Variants in OPTN observed in about 807,000 individuals in gnomAD.
The protein encoded by OPTN is optineurin, also known as E3-14.7K-interacting protein.
A neutral mutation model predicts 70.4 loss-of-function variants in OPTN; 54 were observed. The observed-to-expected ratio is 0.77, with a 90% CI of 0.62 to 0.96. The LOEUF is 0.96. Ranked by LOEUF, OPTN falls within the 40% of genes least tolerant of loss-of-function variation. OPTN has a pLI of 0.00. For missense variants in OPTN, 624 were observed against 673.2 expected, an observed-to-expected ratio of 0.93 and a Z score of 0.81; for synonymous variants, 256 against 248.5, an observed-to-expected ratio of 1.03 and a Z score of -0.28.
intron 3 of OPTN, chr10:13,109,715 G>A (rs114119115): frequency 0.033 from 5,878 of 175,732 alleles, 376 homozygotes; most frequent in African/African-American, 0.13. Context: ...CACGCCTCTG[G>A]TCCTAGCTAC....
chr10:13,123,982 T>C lies in OPTN; in HGVS notation c.883-13T>C. On this transcript the variant is annotated splice_polypyrimidine_tract_variant and intron_variant, in intron 8 of 14. Transcript: ENST00000378747. ...TAATTGTACAGATATGTTTGGGATT[T>C]CCCGTATGATAGGTTGGAAGCGAAG... The C allele has an allele frequency of 3.2e-6, 5 of 1,586,968 alleles. No homozygotes were observed. Among genetic ancestry groups the C allele is most frequent in the Non-Finnish European group, 4.3e-6 (5 of 1,155,568 alleles).
At chr10:13,116,207 G>T in intron 5 of OPTN, 60 bp from the exon 6 acceptor site, 2 of 1,152,760 alleles carry the variant, frequency 1.7e-6, no homozygotes, top group South Asian at 1.2e-5. Flanking sequence ...TTCTTCTTTT[G>T]ACAAAGAATT....
At position 13,117,441 on chromosome 10, in the gene OPTN, T is replaced by TG. The variant is rs1193440012; in HGVS notation, c.626+1101_626+1102insG. On this transcript the variant is annotated intron_variant, in intron 6 of 14. Transcript: ENST00000378747. ...CTTTTTTTTTTTTTTGAGATGGAGT[T>TG]TTTTTTTTTTTTTTTTTTTTTTGAG... is the stretch of plus-strand genomic sequence containing the variant. 1.8e-4 allele frequency among the ~76,000 whole-genome samples: 6 copies of TG among 33,340 alleles called. No homozygotes were observed. The East Asian group carries it at 4.3e-3, about 24-fold the overall frequency. 21.9% of individuals were successfully genotyped at this position (33,340 alleles called of 152,430 possible). A position where few individuals can be genotyped will look rare whatever the true frequency, so the allele number is the denominator to read the frequency against.
rs1833248511 is a variant in OPTN at position 13,117,571 on chromosome 10, G to GTT, written c.626+1231_626+1232insTT. The stretch of plus-strand genomic sequence containing the variant: ...AGCAGTTCTCCTGCCTCAGCCTTCC[G>GTT]AGTAGCTGGGAATACAGGTGGCCGC... On this transcript the variant is annotated intron_variant, in intron 6 of 14. Transcript: ENST00000378747. Among the ~76,000 whole-genome samples the GTT allele has an allele frequency of 1.2e-4, 18 of 150,368 alleles. No homozygotes were observed. In the Admixed American group the frequency reaches 1.2e-3, roughly 10 times the overall value.
At position 13,128,502 on chromosome 10, in the gene OPTN, C is replaced by CTTTTTTT. The variant is rs56147136; in HGVS notation, c.1401+625_1401+631dup. Among the ~76,000 whole-genome samples, 110 of 33,430 alleles carry CTTTTTTT rather than the reference C, an allele frequency of 3.3e-3. 20 individuals carry two copies. The highest frequency in any genetic ancestry group is 4.4e-3 in the African/African-American group (27 of 6,126). 21.9% of individuals were successfully genotyped at this position (33,430 alleles called of 152,430 possible). On this transcript the variant is annotated intron_variant, in intron 12 of 14. Coordinates refer to ENST00000378747, the MANE Select transcript of OPTN (RefSeq NM_001008212.2). ...TTGTGAAGTGCCTTATCAAGCCTGC[C>CTTTTTTT]TTTTTTTTTTTTTTTTTTTTTTTTT...
At chr10:13,126,559 C>G (rs976050122) in intron 11 of OPTN, among the ~76,000 whole-genome samples, 1 of 151,956 alleles carries the variant, frequency 6.6e-6, no homozygotes. Flanking sequence ...GGATTACAGG[C>G]GTGAGCCACC....
intron 14 of OPTN, among the ~76,000 whole-genome samples, chr10:13,135,734 C>T (rs1348430819): frequency 6.6e-6 from 1 of 152,152 alleles, no homozygotes; most frequent in Non-Finnish European, 1.5e-5. Context: ...GAGACCTCTC[C>T]TGGGCTCTGT....
At chr10:13,111,660 T>C (rs1588435563) in intron 4 of OPTN, among the ~76,000 whole-genome samples, 1 of 151,704 alleles carries the variant, frequency 6.6e-6, no homozygotes, top group African/African-American at 2.4e-5. Context: ...ATCGCGCCAT[T>C]GCACTCCAAT....
intron 1 of OPTN, among the ~76,000 whole-genome samples, chr10:13,107,581 C>A (rs892395499): frequency 6.6e-6 from 1 of 151,520 alleles, no homozygotes; most frequent in African/African-American, 2.4e-5. Context: ...CAGGGTTTCA[C>A]CGTGTTAGCC....
At chr10:13,127,636 C>T in intron 11 of OPTN, 109 bp from the exon 12 acceptor site, 1 of 1,241,630 alleles carries the variant, frequency 8.1e-7, no homozygotes, top group Non-Finnish European at 1.1e-6. Context: ...CATGAGCCAC[C>T]ACACCCGGCC....
At chr10:13,127,664 A>C (rs1017909920) in intron 11 of OPTN, 81 bp from the exon 12 acceptor site, 5 of 1,484,104 alleles carry the variant, frequency 3.4e-6, no homozygotes, top group Non-Finnish European at 4.6e-6. Flanking sequence ...ATAATTAAAA[A>C]AATAAACCTT....
chr10:13,135,318 T>G (rs1244775195), intron 14 of OPTN, among the ~76,000 whole-genome samples: 4 of 152,098 alleles, frequency 2.6e-5, no homozygotes, highest in African/African-American at 9.7e-5. Flanking sequence ...TCGAACATGC[T>G]CTGATTGAGG....
chr10:13,105,515 A>G (rs545773768), intron 1 of OPTN, among the ~76,000 whole-genome samples: 1 of 152,308 alleles, frequency 6.6e-6, no homozygotes, highest in South Asian at 2.1e-4. Flanking sequence ...GTATGCTTAT[A>G]AAATCCGGGC....
intron 8 of OPTN, 32 bp downstream of exon 8, chr10:13,122,519 A>G: frequency 7.3e-7 from 1 of 1,370,634 alleles, no homozygotes; most frequent in African/African-American, 1.4e-5. Context: ...CCACTACCAC[A>G]CCCACACACA....
chr10:13,131,995 T>A, intron 12 of OPTN, 72 bp from the exon 13 acceptor site: 1 of 1,493,622 alleles, frequency 6.7e-7, no homozygotes, highest in Non-Finnish European at 9.3e-7. Context: ...CACTACCTCC[T>A]CATCGCATAA....
rs760151141 is a variant in OPTN at position 13,109,305 on chromosome 10, CCT to C, written c.166+18_166+19del. 4.3e-6 allele frequency: 7 copies of C among 1,613,492 alleles called. No homozygotes were observed. In the African/African-American group the frequency reaches 8.0e-5, roughly 18 times the overall value. ...AGCTGAAAGGTGAGCAGGGCTGGCC[CCT>C]GTGTGCCCCATTCATCCTGGGCCTG... On this transcript the variant is annotated intron_variant, in intron 3 of 14. Transcript: ENST00000378747.
At chr10:13,109,416 A>C (rs1832944731) in intron 3 of OPTN, 128 bp downstream of exon 3, 3 of 940,384 alleles carry the variant, frequency 3.2e-6, no homozygotes, top group Non-Finnish European at 4.9e-6. Context: ...GTGGGGAAGC[A>C]CAGGATTTAG....
In OPTN at chr10:13,116,340, C is replaced by T. The variant is rs1026407971; in HGVS notation, c.626C>T (p.Thr209Met). ...PGPTRTVSTG[T>M]ALSKYRSRSA... ...CCCACGAGAACAGTCTCCACTGGCACGTATGTGAAGGAAGACTCGGGCTGT... is the reference window on the plus strand; with the variant it reads ...CCCACGAGAACAGTCTCCACTGGCATGTATGTGAAGGAAGACTCGGGCTGT... The change falls in exon 6 of 15, where the codon ACG (threonine) becomes ATG (methionine). Residue 209 changes from threonine (T) to methionine (M), a missense_variant and splice_region_variant. Transcript: ENST00000378747. The T allele has an allele frequency of 5.0e-6, 8 of 1,611,218 alleles. No individual in the cohort carries two copies. The highest frequency in any genetic ancestry group is 3.3e-5 in the Admixed American group (2 of 59,988).
At chr10:13,117,602 C>G (rs556831053) in intron 6 of OPTN, among the ~76,000 whole-genome samples, 1 of 151,866 alleles carries the variant, frequency 6.6e-6, no homozygotes, top group Non-Finnish European at 1.5e-5. Flanking sequence ...GCCGCCACCA[C>G]GCCCAGCTAA....
Sources: gnomAD v4.1 joint callset for allele counts (sites outside exome capture counted in the v4.1 genomes callset) on GRCh38, gnomAD v4.1.1 for gene constraint, MANE v1.5 for transcripts, NCBI Gene and HGNC (gene_info 2026-07-23, HGNC 2026-07-21) for gene names.